BRD10: variants seen among roughly 807,000 people sequenced by gnomAD.
BRD10 encodes the protein bromodomain containing 10.
the BRD10 span, chr9:5,988,472 C>A: frequency 1.9e-6 from 3 of 1,613,888 alleles, no homozygotes; most frequent in Non-Finnish European, 1.7e-6. Context: ...GAGGTACATG[C>A]AGTTCCCTTC....
the BRD10 span, among the ~76,000 whole-genome samples, chr9:5,879,836 A>C: frequency 6.6e-6 from 1 of 152,188 alleles, no homozygotes; most frequent in African/African-American, 2.4e-5. Context: ...AATTCTAAAA[A>C]ATCCCATAGC....
the BRD10 span, chr9:5,968,280 G>T: frequency 6.2e-7 from 1 of 1,612,016 alleles, no homozygotes; most frequent in Non-Finnish European, 8.5e-7. Flanking sequence ...ATTTCTGGAT[G>T]ATCACTGTGA....
At chr9:5,912,861 G>A in the BRD10 span, among the ~76,000 whole-genome samples, 1 of 152,186 alleles carries the variant, frequency 6.6e-6, no homozygotes, top group African/African-American at 2.4e-5. Flanking sequence ...CAGAGCTCAT[G>A]GCTGGTCTCC....
At chr9:5,889,868 T>C in the BRD10 span, among the ~76,000 whole-genome samples, 46 of 152,242 alleles carry the variant, frequency 3.0e-4, no homozygotes, top group African/African-American at 9.6e-4. Context: ...ACCAACCTAA[T>C]TGATGTCTAA....
At chr9:5,926,347 G>T in the BRD10 span, among the ~76,000 whole-genome samples, 2 of 151,232 alleles carry the variant, frequency 1.3e-5, no homozygotes, top group African/African-American at 4.9e-5. Flanking sequence ...TCGCTTTGTC[G>T]CCAGGCTGGA....
At chr9:5,916,059 G>T in the BRD10 span, among the ~76,000 whole-genome samples, 1 of 152,128 alleles carries the variant, frequency 6.6e-6, no homozygotes, top group African/African-American at 2.4e-5. Context: ...ACTTTTCTAA[G>T]CCTCAAGCAC....
At chr9:5,959,303 T>C in the BRD10 span, among the ~76,000 whole-genome samples, 3 of 152,194 alleles carry the variant, frequency 2.0e-5, 1 homozygote. Context: ...CTAATTATCT[T>C]GCAAGATCCT....
chr9:5,954,350 C>T, the BRD10 span, among the ~76,000 whole-genome samples: 4 of 152,224 alleles, frequency 2.6e-5, no homozygotes, highest in South Asian at 2.1e-4. Context: ...ATGTGTTATA[C>T]GGTAGAATCT....
At chr9:5,884,039 C>G in the BRD10 span, among the ~76,000 whole-genome samples, 2 of 152,180 alleles carry the variant, frequency 1.3e-5, no homozygotes, top group Non-Finnish European at 2.9e-5. Flanking sequence ...AATGCTGGAG[C>G]AAGCATTTAA....
chr9:5,981,639 TC>T, the BRD10 span, among the ~76,000 whole-genome samples: 1 of 151,872 alleles, frequency 6.6e-6, no homozygotes, highest in Non-Finnish European at 1.5e-5. Flanking sequence ...TATCTATCTA[TC>T]TATCTATTTT....
chr9:5,892,535 T>G, the BRD10 span: 3 of 1,613,278 alleles, frequency 1.9e-6, no homozygotes, highest in Admixed American at 1.7e-5. Context: ...CGGCCACTCT[T>G]ACACCACGGC....
chr9:5,918,507 G>A, the BRD10 span, among the ~76,000 whole-genome samples: 1 of 152,306 alleles, frequency 6.6e-6, no homozygotes, highest in South Asian at 2.1e-4. Flanking sequence ...CTTGAGACCA[G>A]GAGTTCAAGA....
the BRD10 span, among the ~76,000 whole-genome samples, chr9:5,951,444 C>G: frequency 6.6e-6 from 1 of 151,604 alleles, no homozygotes; most frequent in Non-Finnish European, 1.5e-5. Context: ...CAAAAGGGAT[C>G]TATTATCTAT....
chr9:6,007,602 C>G, the BRD10 span: 1 of 1,606,856 alleles, frequency 6.2e-7, no homozygotes, highest in Non-Finnish European at 8.5e-7. Flanking sequence ...CGATCACCAT[C>G]GCCTCCATCT....
chr9:5,909,048 T>C, the BRD10 span: 2 of 300,266 alleles, frequency 6.7e-6, no homozygotes, highest in African/African-American at 2.2e-5. Flanking sequence ...TACTTGAAAT[T>C]TGGCTAATAA....
the BRD10 span, among the ~76,000 whole-genome samples, chr9:5,986,536 A>C: frequency 1.3e-5 from 2 of 152,224 alleles, no homozygotes; most frequent in African/African-American, 4.8e-5. Flanking sequence ...TTCAGGAATC[A>C]TCATACTGTC....
the BRD10 span, among the ~76,000 whole-genome samples, chr9:5,880,385 G>A: frequency 3.3e-5 from 5 of 151,872 alleles, no homozygotes; most frequent in African/African-American, 1.2e-4. Flanking sequence ...CATGGCACGC[G>A]CCTGTAATCC....
At chr9:5,961,242 G>A in the BRD10 span, among the ~76,000 whole-genome samples, 2 of 152,168 alleles carry the variant, frequency 1.3e-5, no homozygotes, top group African/African-American at 4.8e-5. Flanking sequence ...TATTACGAAG[G>A]AGAAGTGTCT....
At chr9:5,920,863 T>G in the BRD10 span, 1 of 1,613,968 alleles carries the variant, frequency 6.2e-7, no homozygotes. Context: ...TTTTCACAGT[T>G]GATATAGCCA....
Sources: gnomAD v4.1 joint callset for allele counts (sites outside exome capture counted in the v4.1 genomes callset) on GRCh38, gnomAD v4.1.1 for gene constraint, MANE v1.5 for transcripts, NCBI Gene and HGNC (gene_info 2026-07-23, HGNC 2026-07-21) for gene names.